Variants in ESRRG observed in about 807,000 individuals in gnomAD.
The protein encoded by ESRRG is estrogen-related receptor gamma.
A neutral mutation model predicts 44.0 loss-of-function variants in ESRRG; 13 were observed. The observed-to-expected ratio is 0.30, with a 90% confidence interval of 0.19 to 0.47. The LOEUF (loss-of-function observed/expected upper bound fraction) is 0.47. ESRRG is among the 20% of genes least tolerant of loss of function. The pLI is 1.00. For synonymous variants in ESRRG, 215 were observed against 214.6 expected (o/e 1.00, Z -0.02); for missense variants, 395 against 580.6 (o/e 0.68, Z 3.29).
intron 1 of ESRRG, among the ~76,000 whole-genome samples, chr1:216,695,616 C>T (rs575014620): frequency 2.2e-4 from 34 of 152,272 alleles, no homozygotes; most frequent in African/African-American, 7.7e-4. Flanking sequence ...AAATGTGTCA[C>T]TTAAGAGACG....
At chr1:216,526,270 C>T (rs982472905) in intron 5 of ESRRG, among the ~76,000 whole-genome samples, 2 of 152,036 alleles carry the variant, frequency 1.3e-5, no homozygotes, top group African/African-American at 4.8e-5. Flanking sequence ...GGAACATGAC[C>T]TTATTTGGAA....
chr1:217,028,982 T>C (rs1429133341), intron 1 of ESRRG, among the ~76,000 whole-genome samples: 1 of 152,158 alleles, frequency 6.6e-6, no homozygotes, highest in Non-Finnish European at 1.5e-5. Flanking sequence ...CCCCTCTTTA[T>C]CTTTAATTTA....
chr1:216,967,496 C>G (rs1183345947), intron 1 of ESRRG, among the ~76,000 whole-genome samples: 2 of 152,108 alleles, frequency 1.3e-5, no homozygotes, highest in East Asian at 3.9e-4. Flanking sequence ...ACTATATAGC[C>G]TTTTCAAATT....
chr1:216,506,406 G>C lies in ESRRG; in HGVS notation c.*533C>G, dbSNP rs2041210464. 3.3e-6 allele frequency: 1 copy of C among 306,570 alleles called. No homozygotes were observed. Among genetic ancestry groups the C allele is most frequent in the African/African-American group, 2.2e-5 (1 of 44,884 alleles). The allele number at this position is 306,570 out of a possible 1,614,324, so 19.0% of individuals were successfully genotyped here. ...GTTAGAGACCTCTTTTAAAAGTTCA[G>C]CAGCAGAAGGAAGAAAAAGAAAGAT... On this transcript the variant is annotated 3_prime_UTR_variant, in exon 7 of 7. Transcript: ENST00000408911.
At chr1:216,925,736 A>G (rs558514922) in intron 2 of ESRRG, among the ~76,000 whole-genome samples, 15 of 151,890 alleles carry the variant, frequency 9.9e-5, no homozygotes, top group Non-Finnish European at 2.1e-4. Context: ...GGATCGCCTG[A>G]GGTCAGGAGT....
Position 216,736,081 on chromosome 1 carries a change from A to AG in ESRRG, c.-13-58591dup, listed in dbSNP as rs569459792. On this transcript the variant is annotated intron_variant, in intron 2 of 7. Coordinates refer to the ESRRG transcript ENST00000359162. Reference sequence around the variant, plus strand: ...TTGAGAAAGATGAGAACAGGGGGGGAGTTTCCCAAATGCCCATTCCTAGGG... The same window carrying AG: ...TTGAGAAAGATGAGAACAGGGGGGGAGGTTTCCCAAATGCCCATTCCTAGGG... Among the ~76,000 whole-genome samples, 35 of 148,986 alleles carry AG rather than the reference A, an allele frequency of 2.3e-4. No individual in the cohort carries two copies. In the South Asian group the frequency reaches 6.6e-3, roughly 28 times the overall value.
At chr1:216,991,090 T>C (rs565204986) in intron 1 of ESRRG, among the ~76,000 whole-genome samples, 1 of 152,158 alleles carries the variant, frequency 6.6e-6, no homozygotes, top group Non-Finnish European at 1.5e-5. Context: ...GCATGAACCC[T>C]ATTATGAATT....
At chr1:216,540,095 C>G (rs1365716438) in intron 5 of ESRRG, among the ~76,000 whole-genome samples, 2 of 151,978 alleles carry the variant, frequency 1.3e-5, no homozygotes. Flanking sequence ...AATTTATGTA[C>G]TTTAATATTT....
chr1:216,799,164 T>C (rs1414167146), intron 2 of ESRRG, among the ~76,000 whole-genome samples: 1 of 152,106 alleles, frequency 6.6e-6, no homozygotes, highest in Non-Finnish European at 1.5e-5. Flanking sequence ...ACCTATACCA[T>C]TGCAATTCCT....
At position 216,876,041 on chromosome 1, in the gene ESRRG, A is replaced by G. The variant is rs147434746; in HGVS notation, c.-14+63541T>C. 3.3e-5 allele frequency among the ~76,000 whole-genome samples: 5 copies of G among 152,342 alleles called. No individual in the cohort carries two copies. In the East Asian group the frequency reaches 5.8e-4, roughly 18 times the overall value. On this transcript the variant is annotated intron_variant, in intron 2 of 7. Coordinates refer to the ESRRG transcript ENST00000359162. ...ACCTTGCCCTTCAGGCTTATGACCA[A>G]TGTAATCACTGGAAGATTCCCTTCT...
chr1:217,116,418 C>T (rs1225239366), intron 1 of ESRRG, among the ~76,000 whole-genome samples: 4 of 152,124 alleles, frequency 2.6e-5, no homozygotes, highest in South Asian at 2.1e-4. Flanking sequence ...TTATGGGCGA[C>T]GTTTGACCAA....
chr1:217,109,063 A>C (rs2092632018), intron 1 of ESRRG, among the ~76,000 whole-genome samples: 1 of 152,204 alleles, frequency 6.6e-6, no homozygotes, highest in African/African-American at 2.4e-5. Flanking sequence ...TAGCCCATCC[A>C]CAAAAATGTA....
intron 5 of ESRRG, among the ~76,000 whole-genome samples, chr1:216,555,924 C>G (rs776603799): frequency 2.0e-5 from 3 of 152,002 alleles, no homozygotes; most frequent in Non-Finnish European, 4.4e-5. Flanking sequence ...GGAAAAAGTG[C>G]GACCAGCCCA....
At chr1:216,839,780 T>C (rs1412390608) in intron 2 of ESRRG, among the ~76,000 whole-genome samples, 1 of 152,122 alleles carries the variant, frequency 6.6e-6, no homozygotes, top group African/African-American at 2.4e-5. Flanking sequence ...TCCTGGGTAA[T>C]CAGGTGCATT....
intron 2 of ESRRG, among the ~76,000 whole-genome samples, chr1:216,875,442 T>G (rs1389504570): frequency 6.6e-6 from 1 of 152,172 alleles, no homozygotes; most frequent in Non-Finnish European, 1.5e-5. Flanking sequence ...ACAAAGATGC[T>G]AACTTCTAAT....
chr1:216,952,363 G>T (rs541774017), intron 1 of ESRRG, among the ~76,000 whole-genome samples: 1 of 152,140 alleles, frequency 6.6e-6, no homozygotes, highest in African/African-American at 2.4e-5. Context: ...AAAGGGCAGC[G>T]TGGAAACGGG....
chr1:216,844,020 A>G (rs113482897), intron 2 of ESRRG, among the ~76,000 whole-genome samples: 6 of 152,086 alleles, frequency 3.9e-5, no homozygotes, highest in African/African-American at 1.4e-4. Context: ...TGAGCTTGTT[A>G]TCTTAATATG....
chr1:216,969,453 TTA>T (rs2071177235), intron 1 of ESRRG, among the ~76,000 whole-genome samples: 1 of 152,168 alleles, frequency 6.6e-6, no homozygotes, highest in Non-Finnish European at 1.5e-5. Context: ...TAAACCTATT[TTA>T]TGTTTCCACT....
At chr1:217,019,560 T>C (rs1267251007) in intron 1 of ESRRG, among the ~76,000 whole-genome samples, 2 of 152,194 alleles carry the variant, frequency 1.3e-5, no homozygotes, top group Non-Finnish European at 2.9e-5. Flanking sequence ...CCAAAACACA[T>C]GTCTGAAGGA....
Sources: gnomAD v4.1 joint callset for allele counts (sites outside exome capture counted in the v4.1 genomes callset) on GRCh38, gnomAD v4.1.1 for gene constraint, MANE v1.5 for transcripts, NCBI Gene and HGNC (gene_info 2026-07-23, HGNC 2026-07-21) for gene names.